Variants in PLXNA4 observed in about 807,000 individuals in gnomAD.
PLXNA4 encodes the protein plexin-A4.
In PLXNA4, 44 loss-of-function variants were observed where a neutral mutation model predicts 191.8. The ratio of observed to expected loss-of-function variants is 0.23; its 90% confidence interval spans 0.18 to 0.29. The LOEUF is 0.29. PLXNA4 is among the 10% of genes least tolerant of loss of function. PLXNA4 has a pLI of 1.00. For synonymous variants in PLXNA4, 1,082 were observed against 1,009.5 expected, an observed-to-expected ratio of 1.07 and a Z score of -1.36; for missense variants, 1,800 against 2,488.8, an observed-to-expected ratio of 0.72 and a Z score of 5.89.
intron 2 of PLXNA4, among the ~76,000 whole-genome samples, chr7:132,627,580 G>A (rs2116874533): frequency 6.6e-6 from 1 of 152,310 alleles, no homozygotes; most frequent in East Asian, 1.9e-4. Context: ...CAATGTGACA[G>A]TATTAAGAGA....
At chr7:132,323,367 G>A (rs1196400643) in intron 3 of PLXNA4, among the ~76,000 whole-genome samples, 1 of 152,248 alleles carries the variant, frequency 6.6e-6, no homozygotes, top group Non-Finnish European at 1.5e-5. Flanking sequence ...TTACAAAGTA[G>A]AGTGTACTTG....
At chr7:132,294,466 A>G (rs1198843569) in intron 4 of PLXNA4, among the ~76,000 whole-genome samples, 2 of 152,196 alleles carry the variant, frequency 1.3e-5, no homozygotes, top group African/African-American at 4.8e-5. Flanking sequence ...GAAAGGATTT[A>G]AACGGAGGAA....
rs1310034620 is a variant in PLXNA4, at chr7:132,203,372, T to C, written c.2346A>G (p.Thr782=). 1.9e-6 allele frequency: 3 copies of C among 1,613,882 alleles called. No individual in the cohort carries two copies. Among genetic ancestry groups the C allele is most frequent in the African/African-American group, 1.3e-5 (1 of 74,904 alleles). Reference sequence around the variant, plus strand: ...TGTTGAAGTGCCCATTCCACACGACTGTCAACTCCACGGGCAGGTTGTTGA... The same window carrying C: ...TGTTGAAGTGCCCATTCCACACGACCGTCAACTCCACGGGCAGGTTGTTGA... The part of the protein sequence containing the change: ...MEINNLPVEL[T]VVWNGHFNID... The change falls in exon 11 of 32, where the codon ACA becomes ACG. Residue 782 remains threonine, a synonymous_variant. Coordinates refer to ENST00000321063, the MANE Select transcript of PLXNA4 (RefSeq NM_020911.2).
chr7:132,525,072 T>C (rs1031612928), intron 1 of PLXNA4, among the ~76,000 whole-genome samples: 1 of 152,016 alleles, frequency 6.6e-6, no homozygotes. Context: ...CAACTCTCCA[T>C]CCCCTCACCC....
At chr7:132,611,392 T>A (rs1329539861) in intron 2 of PLXNA4, among the ~76,000 whole-genome samples, 2 of 152,178 alleles carry the variant, frequency 1.3e-5, no homozygotes, top group African/African-American at 2.4e-5. Flanking sequence ...TTGGCAAACA[T>A]ATCTTAACGC....
chr7:132,438,480 C>T (rs1340539859), intron 3 of PLXNA4, among the ~76,000 whole-genome samples: 2 of 152,194 alleles, frequency 1.3e-5, no homozygotes, highest in Non-Finnish European at 2.9e-5. Flanking sequence ...AGCCACAGTT[C>T]ATATTACCCA....
At chr7:132,579,440 T>C (rs560296410), upstream of PLXNA4, among the ~76,000 whole-genome samples, 506 of 140,836 alleles carry the variant, frequency 3.6e-3, 4 homozygotes, top group African/African-American at 0.015. Context: ...TGTGTGTGCG[T>C]GTGTGTGTGT....
chr7:132,174,649 TG>T (rs1796395998), intron 21 of PLXNA4, 128 bp downstream of exon 21: 16 of 1,417,752 alleles, frequency 1.1e-5, no homozygotes, highest in Non-Finnish European at 1.5e-5. Flanking sequence ...GCTGACAATC[TG>T]GGGGACCTTG....
intron 3 of PLXNA4, among the ~76,000 whole-genome samples, chr7:132,307,170 G>A (rs961348191): frequency 2.6e-5 from 4 of 152,014 alleles, no homozygotes; most frequent in African/African-American, 9.7e-5. Context: ...CACACCAAGG[G>A]CATCTGAGAA....
intron 25 of PLXNA4, among the ~76,000 whole-genome samples, chr7:132,150,059 G>A (rs551858513): frequency 3.9e-4 from 59 of 152,292 alleles, no homozygotes; most frequent in African/African-American, 1.3e-3. Context: ...ATCATGTCAG[G>A]TGGTCAAAGG....
intron 5 of PLXNA4, among the ~76,000 whole-genome samples, chr7:132,240,568 A>C (rs1273825769): frequency 6.6e-6 from 1 of 152,222 alleles, no homozygotes; most frequent in Admixed American, 6.5e-5. Flanking sequence ...CTGCAGACCC[A>C]AACCAGAAAA....
intron 3 of PLXNA4, among the ~76,000 whole-genome samples, chr7:132,311,896 T>C (rs1801757252): frequency 6.6e-6 from 1 of 152,086 alleles, no homozygotes; most frequent in Non-Finnish European, 1.5e-5. Flanking sequence ...GGCATCCCTG[T>C]CTGGGGATGA....
intron 3 of PLXNA4, among the ~76,000 whole-genome samples, chr7:132,459,069 G>A (rs115225766): frequency 6.6e-6 from 1 of 152,102 alleles, no homozygotes; most frequent in East Asian, 1.9e-4. Context: ...ACACATCTAC[G>A]TAGACCTAGG....
intron 15 of PLXNA4, among the ~76,000 whole-genome samples, chr7:132,186,463 T>C (rs564661793): frequency 6.6e-6 from 1 of 152,162 alleles, no homozygotes; most frequent in Non-Finnish European, 1.5e-5. Flanking sequence ...CAGGGCTAAC[T>C]GATGGGCCAT....
intron 5 of PLXNA4, among the ~76,000 whole-genome samples, chr7:132,238,717 T>C (rs140317740): frequency 1.3e-4 from 20 of 152,154 alleles, no homozygotes; most frequent in African/African-American, 4.6e-4. Flanking sequence ...CAGGAGTACC[T>C]GCCACTTAGA....
chr7:132,460,197 T>A (rs1157927774), intron 3 of PLXNA4, among the ~76,000 whole-genome samples: 1 of 151,570 alleles, frequency 6.6e-6, no homozygotes, highest in Non-Finnish European at 1.5e-5. Context: ...CTGCCAAAAG[T>A]TTTTTAAAAA....
At chr7:132,214,253 G>A (rs1407849672) in intron 9 of PLXNA4, among the ~76,000 whole-genome samples, 1 of 152,150 alleles carries the variant, frequency 6.6e-6, no homozygotes, top group Non-Finnish European at 1.5e-5. Context: ...CAAGACATGG[G>A]GAGCAGCAAA....
chr7:132,269,066 C>A (rs1045628739), intron 4 of PLXNA4, among the ~76,000 whole-genome samples: 1 of 152,168 alleles, frequency 6.6e-6, no homozygotes, highest in African/African-American at 2.4e-5. Flanking sequence ...TGACACTGGA[C>A]ACATGCGTCC....
intron 3 of PLXNA4, among the ~76,000 whole-genome samples, chr7:132,323,222 GC>G (rs1237692770): frequency 1.3e-5 from 2 of 152,196 alleles, no homozygotes; most frequent in Non-Finnish European, 2.9e-5. Flanking sequence ...ATTGCTGGGT[GC>G]CAGCAGATGA....
Sources: gnomAD v4.1 joint callset for allele counts (sites outside exome capture counted in the v4.1 genomes callset) on GRCh38, gnomAD v4.1.1 for gene constraint, MANE v1.5 for transcripts, NCBI Gene and HGNC (gene_info 2026-07-23, HGNC 2026-07-21) for gene names.